The following ANK2 variants were observed in gnomAD, a reference collection of about 807,000 sequenced individuals.
ANK2 encodes the protein ankyrin-2.
ANK2 carries 83 observed loss-of-function variants against 360.5 expected under a neutral mutation model. The observed-to-expected ratio is 0.23, with a 90% confidence interval of 0.19 to 0.28. The LOEUF (loss-of-function observed/expected upper bound fraction) is 0.28. Among genes scored for constraint, ANK2 ranks in the 10% least tolerant of loss-of-function variants. ANK2 has a pLI of 1.00. For synonymous variants in ANK2, 1,740 were observed against 1,759.5 expected, an observed-to-expected ratio of 0.99 and a Z score of 0.28; for missense variants, 4,201 against 4,795.7, an observed-to-expected ratio of 0.88 and a Z score of 3.66.
the ANK2 span, among the ~76,000 whole-genome samples, chr4:112,755,451 A>G: frequency 1.3e-5 from 2 of 152,230 alleles, no homozygotes; most frequent in East Asian, 3.8e-4. Flanking sequence ...AGGAGTCAGC[A>G]AAGGGTGGTG....
At chr4:113,254,812 A>T (rs1435945013) in intron 10 of ANK2, among the ~76,000 whole-genome samples, 1 of 152,136 alleles carries the variant, frequency 6.6e-6, no homozygotes, top group Non-Finnish European at 1.5e-5. Context: ...GAATGTAATG[A>T]CTGTCAAACT....
intron 1 of ANK2, among the ~76,000 whole-genome samples, chr4:113,050,323 C>T (rs1231786137): frequency 2.0e-5 from 3 of 152,086 alleles, no homozygotes; most frequent in African/African-American, 7.2e-5. Context: ...TCATCCCCAG[C>T]ATGATATTTC....
chr4:113,081,843 C>A (rs993231884), intron 1 of ANK2, among the ~76,000 whole-genome samples: 21 of 148,244 alleles, frequency 1.4e-4, no homozygotes, highest in Non-Finnish European at 3.0e-4. Flanking sequence ...GAGTTTTGCG[C>A]TTGTCAACTA....
intron 4 of ANK2, among the ~76,000 whole-genome samples, chr4:113,199,653 C>CT (rs147781739): frequency 1.1e-4 from 17 of 150,772 alleles, no homozygotes; most frequent in Non-Finnish European, 1.9e-4. Context: ...AGCTTGATCC[C>CT]TTTTTTTTTC....
intron 1 of ANK2, among the ~76,000 whole-genome samples, chr4:113,165,845 T>A (rs1338248579): frequency 6.6e-6 from 1 of 152,162 alleles, no homozygotes; most frequent in African/African-American, 2.4e-5. Flanking sequence ...ATAGGTGTGG[T>A]AAGTTTTAAC....
At chr4:113,380,418 T>C (rs2097131411) in intron 45 of ANK2, among the ~76,000 whole-genome samples, 1 of 152,164 alleles carries the variant, frequency 6.6e-6, no homozygotes, top group African/African-American at 2.4e-5. Flanking sequence ...CCCAACACTT[T>C]GGGAGGCCAA....
chr4:112,940,983 T>G (rs1251385597), intron 2 of ANK2, among the ~76,000 whole-genome samples: 1 of 151,998 alleles, frequency 6.6e-6, no homozygotes, highest in Non-Finnish European at 1.5e-5. Flanking sequence ...CCTCATGAGG[T>G]TGTTGATAAG....
chr4:113,228,000 A>G (rs77257571), intron 4 of ANK2, among the ~76,000 whole-genome samples: 360 of 152,306 alleles, frequency 2.4e-3, no homozygotes, highest in African/African-American at 8.2e-3. Context: ...AATAAGTCAC[A>G]TTCATTTTTA....
At chr4:113,307,347 G>A (rs566705779) in intron 23 of ANK2, among the ~76,000 whole-genome samples, 20 of 151,364 alleles carry the variant, frequency 1.3e-4, no homozygotes, top group South Asian at 8.4e-4. Context: ...AGTGGGTTCC[G>A]TAACGTTTCA....
the ANK2 span, among the ~76,000 whole-genome samples, chr4:112,723,756 G>T: frequency 2.0e-5 from 3 of 152,086 alleles, no homozygotes; most frequent in Non-Finnish European, 4.4e-5. Flanking sequence ...CCACCTAAGA[G>T]CATTTCTTTA....
chr4:113,087,514 CTG>C (rs1422836887), intron 1 of ANK2, among the ~76,000 whole-genome samples: 1 of 151,896 alleles, frequency 6.6e-6, no homozygotes, highest in Non-Finnish European at 1.5e-5. Flanking sequence ...CATTGTTTTC[CTG>C]TGTTATTTTT....
At chr4:113,321,406 C>T (rs983845652) in intron 26 of ANK2, among the ~76,000 whole-genome samples, 9 of 152,274 alleles carry the variant, frequency 5.9e-5, no homozygotes, top group African/African-American at 2.2e-4. Flanking sequence ...TAACGTTTGA[C>T]TTACTGTTAT....
chr4:113,152,989 T>C (rs556324643), intron 1 of ANK2, among the ~76,000 whole-genome samples: 5 of 152,356 alleles, frequency 3.3e-5, no homozygotes, highest in African/African-American at 1.2e-4. Flanking sequence ...TTCTTAAAGC[T>C]ATGTGAAAGC....
At chr4:113,063,636 C>T in intron 1 of ANK2, among the ~76,000 whole-genome samples, 1 of 151,944 alleles carries the variant, frequency 6.6e-6, no homozygotes, top group East Asian at 1.9e-4. Flanking sequence ...TATTTTTATA[C>T]TTAATTTGAA....
In ANK2 at chr4:113,353,047, G is replaced by A; in HGVS notation, c.4429G>A (p.Asp1477Asn). The A allele has an allele frequency of 6.2e-7, 1 of 1,613,248 alleles. No homozygotes were observed. Among genetic ancestry groups the A allele is most frequent in the African/African-American group, 1.3e-5 (1 of 74,998 alleles). The change falls in exon 38 of 46, where the codon GAT (aspartate) becomes AAT (asparagine). Residue 1477 changes from aspartate (D) to asparagine (N), a missense_variant and splice_region_variant. Asp to Asn is a conservative substitution (Grantham distance 23). Transcript: ENST00000357077. ...EEIDMTSEKN[D>N]ETESTETSVL... ...AATGTTTTTCATTCACATCAAAGAT[G>A]ATGAGACAGAATCTACAGAAACATC... is the stretch of plus-strand genomic sequence containing the variant.
chr4:112,803,417 A>C, the ANK2 span, among the ~76,000 whole-genome samples: 1 of 152,174 alleles, frequency 6.6e-6, no homozygotes, highest in African/African-American at 2.4e-5. Context: ...AGCACAGAAG[A>C]GAAGGCTAGG....
At chr4:112,988,010 A>G (rs2045528004) in intron 2 of ANK2, among the ~76,000 whole-genome samples, 1 of 152,182 alleles carries the variant, frequency 6.6e-6, no homozygotes, top group African/African-American at 2.4e-5. Flanking sequence ...ACGACCAAGG[A>G]GAAAAATGGG....
At chr4:113,181,740 A>G (rs530207894) in intron 2 of ANK2, among the ~76,000 whole-genome samples, 1 of 152,240 alleles carries the variant, frequency 6.6e-6, no homozygotes, top group East Asian at 1.9e-4. Flanking sequence ...GACAGGTGAG[A>G]GAACCGCACA....
chr4:113,148,054 C>A (rs1488082701), intron 1 of ANK2, among the ~76,000 whole-genome samples: 2 of 152,152 alleles, frequency 1.3e-5, no homozygotes, highest in African/African-American at 4.8e-5. Flanking sequence ...ACAGACTTTG[C>A]CCTGGATCCT....
Sources: gnomAD v4.1 joint callset for allele counts (sites outside exome capture counted in the v4.1 genomes callset) on GRCh38, gnomAD v4.1.1 for gene constraint, MANE v1.5 for transcripts, NCBI Gene and HGNC (gene_info 2026-07-23, HGNC 2026-07-21) for gene names.